DNER: variants seen among roughly 807,000 people sequenced by gnomAD.
The protein encoded by DNER is delta/notch like EGF repeat containing, also known as delta and Notch-like epidermal growth factor-related receptor.
In DNER, 33 loss-of-function variants were observed where a neutral mutation model predicts 78.2. The ratio of observed to expected loss-of-function variants is 0.42; its 90% CI spans 0.32 to 0.56. DNER has a LOEUF of 0.56. Ranked by LOEUF, DNER falls within the 20% of genes least tolerant of loss-of-function variation. The pLI is 0.11. For missense variants in DNER, 918 were observed against 975.3 expected (o/e 0.94, Z 0.78); for synonymous variants, 417 against 384.8 (o/e 1.08, Z -0.98).
At chr2:229,690,669 C>T (rs1699555764) in intron 1 of DNER, among the ~76,000 whole-genome samples, 1 of 151,954 alleles carries the variant, frequency 6.6e-6, no homozygotes, top group African/African-American at 2.4e-5. Flanking sequence ...GGGCTTATAT[C>T]TGTGGGAAAA....
At chr2:229,362,346 G>T (rs768888162) in intron 12 of DNER, among the ~76,000 whole-genome samples, 14 of 152,158 alleles carry the variant, frequency 9.2e-5, no homozygotes, top group South Asian at 6.2e-4. Flanking sequence ...GAGCTTTCTG[G>T]CTTCCAAGCC....
chr2:229,523,090 G>T (rs1292989150), intron 5 of DNER, among the ~76,000 whole-genome samples: 1 of 152,190 alleles, frequency 6.6e-6, no homozygotes, highest in Admixed American at 6.5e-5. Flanking sequence ...AGGTGATGAG[G>T]GGAGCATGAT....
intron 1 of DNER, among the ~76,000 whole-genome samples, chr2:229,625,633 G>A (rs537997904): frequency 6.6e-5 from 10 of 152,340 alleles, no homozygotes; most frequent in South Asian, 4.1e-4. Flanking sequence ...GATTATATAA[G>A]TTGGGCACAT....
intron 6 of DNER, among the ~76,000 whole-genome samples, chr2:229,510,588 A>G (rs1695846713): frequency 6.6e-6 from 1 of 152,084 alleles, no homozygotes; most frequent in Admixed American, 6.5e-5. Context: ...AGAGAGAGGG[A>G]GAGGGAGGCA....
chr2:229,594,829 G>T (rs1323285031), intron 1 of DNER, among the ~76,000 whole-genome samples: 1 of 151,874 alleles, frequency 6.6e-6, no homozygotes, highest in Non-Finnish European at 1.5e-5. Flanking sequence ...TTAAATGTAG[G>T]CCAATTAAGA....
chr2:229,383,159 C>T (rs748320451), intron 11 of DNER, among the ~76,000 whole-genome samples: 3 of 152,130 alleles, frequency 2.0e-5, no homozygotes, highest in Non-Finnish European at 2.9e-5. Context: ...ATCCAGCCAA[C>T]CTAAGTTTCG....
intron 5 of DNER, among the ~76,000 whole-genome samples, chr2:229,517,025 C>T (rs1029252208): frequency 1.3e-5 from 2 of 149,102 alleles, no homozygotes; most frequent in African/African-American, 4.9e-5. Flanking sequence ...GCAGGAGAAT[C>T]GCTTGAACCC....
At chr2:229,409,258 A>G (rs762192109) in intron 9 of DNER, among the ~76,000 whole-genome samples, 1 of 152,118 alleles carries the variant, frequency 6.6e-6, no homozygotes, top group Non-Finnish European at 1.5e-5. Context: ...CAACACAAAG[A>G]CTCACATATT....
chr2:229,465,864 T>C (rs11688148), intron 7 of DNER, among the ~76,000 whole-genome samples: 110,278 of 151,858 alleles, frequency 0.73, 40,261 homozygotes, highest in South Asian at 0.83. Flanking sequence ...CCCTCAAAAA[T>C]GCTCAGCTCC....
At chr2:229,536,988 G>A (rs1696416331) in intron 5 of DNER, among the ~76,000 whole-genome samples, 1 of 152,164 alleles carries the variant, frequency 6.6e-6, no homozygotes, top group African/African-American at 2.4e-5. Context: ...ATAAGACCAT[G>A]GAAGAGAGGG....
intron 4 of DNER, among the ~76,000 whole-genome samples, chr2:229,561,133 T>C (rs1435950260): frequency 1.3e-5 from 2 of 152,136 alleles, no homozygotes; most frequent in Admixed American, 6.6e-5. Context: ...CCACACAGAA[T>C]CTCTCATTTT....
intron 8 of DNER, among the ~76,000 whole-genome samples, chr2:229,435,251 T>C (rs72984764): frequency 6.6e-6 from 1 of 152,118 alleles, no homozygotes; most frequent in South Asian, 2.1e-4. Context: ...GTGGCTTAGT[T>C]GCCCCCATCA....
intron 9 of DNER, among the ~76,000 whole-genome samples, chr2:229,411,789 A>G (rs539464668): frequency 1.3e-5 from 2 of 152,266 alleles, no homozygotes; most frequent in East Asian, 1.9e-4. Context: ...AAGACTTCCT[A>G]GCAATACATA....
intron 4 of DNER, among the ~76,000 whole-genome samples, chr2:229,554,916 AG>A (rs1696825224): frequency 6.4e-5 from 5 of 77,548 alleles, no homozygotes; most frequent in East Asian, 3.2e-4. Context: ...AGAAGAGAAG[AG>A]AAGAGAAGAG....
At chr2:229,692,969 G>A (rs1482956289) in intron 1 of DNER, among the ~76,000 whole-genome samples, 2 of 151,966 alleles carry the variant, frequency 1.3e-5, no homozygotes, top group African/African-American at 4.8e-5. Context: ...TCAATGCACT[G>A]CTATATGTCT....
chr2:229,593,197 A>G (rs1347879418), intron 1 of DNER, among the ~76,000 whole-genome samples: 2 of 152,210 alleles, frequency 1.3e-5, no homozygotes, highest in Non-Finnish European at 2.9e-5. Context: ...GTAAAATCCA[A>G]ACTCCTTCTT....
At chr2:229,436,908 A>C (rs1288353191) in intron 8 of DNER, among the ~76,000 whole-genome samples, 1 of 152,210 alleles carries the variant, frequency 6.6e-6, no homozygotes, top group Non-Finnish European at 1.5e-5. Flanking sequence ...ACAATAACCA[A>C]CTAAAAACAT....
chr2:229,649,465 A>T (rs989296405), intron 1 of DNER, among the ~76,000 whole-genome samples: 4 of 152,210 alleles, frequency 2.6e-5, no homozygotes, highest in African/African-American at 4.8e-5. Context: ...GGGGAAAAAA[A>T]TCCTGATTTA....
intron 6 of DNER, among the ~76,000 whole-genome samples, chr2:229,507,719 T>C (rs1345756684): frequency 6.6e-6 from 1 of 152,190 alleles, no homozygotes; most frequent in Non-Finnish European, 1.5e-5. Flanking sequence ...AAATTGGATC[T>C]CTATTTCATA....
Sources: allele counts gnomAD v4.1 joint callset (sites outside exome capture counted in the v4.1 genomes callset), GRCh38; gene constraint gnomAD v4.1.1; transcripts MANE v1.5; gene names NCBI Gene and HGNC (gene_info 2026-07-23, HGNC 2026-07-21).